Variants in DIS3 observed in about 807,000 individuals in gnomAD.
DIS3 encodes DIS3 exosome endoribonuclease and 3'-5' exoribonuclease.
A neutral mutation model predicts 113.0 loss-of-function variants in DIS3; 103 were observed. The ratio of observed to expected loss-of-function variants is 0.91; its 90% CI spans 0.78 to 1.07. The LOEUF is 1.07. DIS3 is among the 50% of genes least tolerant of loss of function. DIS3 has a pLI of 0.00. For synonymous variants in DIS3, 402 were observed against 394.3 expected, an observed-to-expected ratio of 1.02 and a Z score of -0.23; for missense variants, 1,121 against 1,167.1, an observed-to-expected ratio of 0.96 and a Z score of 0.58.
chr13:72,778,250 A>T lies in DIS3; in HGVS notation c.517T>A (p.Phe173Ile). 6.2e-7 allele frequency: 1 copy of T among 1,609,078 alleles called. No homozygotes were observed. The highest frequency in any genetic ancestry group is 1.1e-5 in the South Asian group (1 of 90,660). Residue 173 changes from phenylalanine (F) to isoleucine (I), a missense_variant, in exon 3 of 21, where the codon TTC becomes ATC. Phe to Ile is a conservative substitution (Grantham distance 21, BLOSUM62 0). This residue lies in a region of DIS3 where 254 missense variants were observed against 232.2 expected (regional missense o/e 1.09). Transcript: ENST00000377767. The stretch of plus-strand genomic sequence containing the variant: ...TTGTTTCTCCTGTCATTTGTTATGA[A>T]GATAACTTGCAGCTGGTTGTCTGCT... ...MSADNQLQVI[F>I]ITNDRRNKEK...
Position 72,773,781 on chromosome 13 carries a change from G to T in DIS3, c.1142C>A (p.Pro381His), listed in dbSNP as rs780478487. 6.2e-7 allele frequency: 1 copy of T among 1,613,724 alleles called. No individual in the cohort carries two copies. Among genetic ancestry groups the T allele is most frequent in the African/African-American group, 1.3e-5 (1 of 74,868 alleles). Residue 381 changes from proline (P) to histidine (H), a missense_variant, in exon 8 of 21, where the codon CCT becomes CAT. By Grantham distance (77) the Pro-to-His change is moderately conservative. Around this residue, in one of 3 missense-constraint regions of DIS3, gnomAD observed 861 missense variants for 915.5 expected, o/e 0.94. Transcript: ENST00000377767. ...HLFTPADKRI[P>H]RIRIETRQAS... ...CTGTCTGGTTTCTATGCGAATTCGA[G>T]GGATTCTCTTATCAGCAGGTGTAAA...
In DIS3 at chr13:72,774,096, T is replaced by C. The variant is rs772797173; in HGVS notation, c.988-37A>G. ...AAATTAAAATGTTCAGTTATATTCCTCTAAGTATTATCAGGCAATTTCCTT... is the reference window on the plus strand; with the variant it reads ...AAATTAAAATGTTCAGTTATATTCCCCTAAGTATTATCAGGCAATTTCCTT... On this transcript the variant is annotated intron_variant, in intron 6 of 20. Coordinates refer to ENST00000377767, the MANE Select transcript of DIS3 (RefSeq NM_014953.5). 1.5e-5 allele frequency: 21 copies of C among 1,419,272 alleles called. No individual in the cohort carries two copies. The African/African-American group carries it at 3.0e-4, about 20-fold the overall frequency. 87.9% of individuals were successfully genotyped at this position (1,419,272 alleles called of 1,614,324 possible). A position where few individuals can be genotyped will look rare whatever the true frequency, so the allele number is the denominator to read the frequency against.
rs2033323760 is a variant in DIS3, at chr13:72,753,123, C to G, written c.*6672G>C. The G allele has an allele frequency of 6.6e-6, 1 of 152,224 alleles. No individual in the cohort carries two copies. The highest frequency in any genetic ancestry group is 1.5e-5 in the Non-Finnish European group (1 of 68,072). 9.4% of individuals were successfully genotyped at this position (152,224 alleles called of 1,614,324 possible). ...ATAGTGCCTGGCCTTTTTAGACACTCAATAAATGTTTCCAAGCTGGAAGTT... is the reference window on the plus strand; with the variant it reads ...ATAGTGCCTGGCCTTTTTAGACACTGAATAAATGTTTCCAAGCTGGAAGTT... On this transcript the variant is annotated 3_prime_UTR_variant, in exon 21 of 21. Coordinates refer to ENST00000377767, the MANE Select transcript of DIS3 (RefSeq NM_014953.5).
intron 11 of DIS3, among the ~76,000 whole-genome samples, chr13:72,771,350 A>C (rs1257814710): frequency 2.0e-5 from 3 of 152,204 alleles, no homozygotes; most frequent in Non-Finnish European, 4.4e-5. Flanking sequence ...AAAGCTATGA[A>C]GGAAAACTGG....
chr13:72,780,859 T>C lies in DIS3; in HGVS notation c.373A>G (p.Asn125Asp), dbSNP rs2034174437. 6.2e-7 allele frequency: 1 copy of C among 1,607,676 alleles called. No homozygotes were observed. The highest frequency in any genetic ancestry group is 8.5e-7 in the Non-Finnish European group (1 of 1,178,158). ...NQEKHFYTFT[N>D]EHHRETYVEQ... The stretch of plus-strand genomic sequence containing the variant: ...TATTCCTCCTACCTATGGTGCTCAT[T>C]AGTGAAAGTATAGAAATGCTTCTCT... Residue 125 changes from asparagine (N) to aspartate (D), a missense_variant, in exon 2 of 21, where the codon AAT (asparagine) becomes GAT (aspartate). Physicochemically the swap from Asn to Asp is conservative, Grantham distance 23. This residue lies in a region of DIS3 where 254 missense variants were observed against 232.2 expected (regional missense o/e 1.09). Coordinates refer to ENST00000377767, the MANE Select transcript of DIS3 (RefSeq NM_014953.5).
In DIS3 at chr13:72,763,651, A is replaced by G. The variant is rs1444240740; in HGVS notation, c.1971-44T>C. 3 of 1,562,320 alleles carry G rather than the reference A, an allele frequency of 1.9e-6. No homozygotes were observed. The Admixed American group carries it at 5.7e-5, about 30-fold the overall frequency. ...TTAAACAAACAAAAAAGAGAATCTGAGACTTCTATATATCATATTTTTTCA... is the reference window on the plus strand; with the variant it reads ...TTAAACAAACAAAAAAGAGAATCTGGGACTTCTATATATCATATTTTTTCA... On this transcript the variant is annotated intron_variant, in intron 15 of 20. Coordinates refer to ENST00000377767, the MANE Select transcript of DIS3 (RefSeq NM_014953.5).
Position 72,763,511 on chromosome 13 carries a change from T to C in DIS3, c.2067A>G (p.Arg689=), listed in dbSNP as rs1229495604. 1 of 1,613,880 alleles carries C rather than the reference T, an allele frequency of 6.2e-7. No individual in the cohort carries two copies. The highest frequency in any genetic ancestry group is 8.5e-7 in the Non-Finnish European group (1 of 1,179,990). The change falls in exon 16 of 21, where the codon CGA becomes CGG. Residue 689 remains arginine, a synonymous_variant. Coordinates refer to ENST00000377767, the MANE Select transcript of DIS3 (RefSeq NM_014953.5). The part of the protein sequence containing the change: ...HEEFSEHALL[R]KHPAPPPSNY... Reference sequence around the variant, plus strand: ...TTGATGGAGGTGGAGCAGGATGTTTTCGAAGCAGAGCATGTTCAGAAAATT... The same window carrying C: ...TTGATGGAGGTGGAGCAGGATGTTTCCGAAGCAGAGCATGTTCAGAAAATT...
chr13:72,775,632 T>A (rs1380071524), intron 5 of DIS3, among the ~76,000 whole-genome samples: 3 of 152,134 alleles, frequency 2.0e-5, no homozygotes, highest in Non-Finnish European at 1.5e-5. Flanking sequence ...AACAAGAGAC[T>A]TTGGAAAAAT....
rs1193325040 is a variant in DIS3, at chr13:72,758,585, C to T, written c.*1210G>A. On this transcript the variant is annotated 3_prime_UTR_variant, in exon 21 of 21. Coordinates refer to ENST00000377767, the MANE Select transcript of DIS3 (RefSeq NM_014953.5). ...GTTTCAGTGTCACTGACCCATTTTA[C>T]CTGGACCAAAGACTACTCAAGTCTA... 1.4e-5 allele frequency: 3 copies of T among 219,782 alleles called. No homozygotes were observed. The highest frequency in any genetic ancestry group is 2.7e-5 in the Non-Finnish European group (3 of 109,622). 13.6% of individuals were successfully genotyped at this position (219,782 alleles called of 1,614,324 possible). A position where few individuals can be genotyped will look rare whatever the true frequency, so the allele number is the denominator to read the frequency against.
chr13:72,780,994 G>A lies in DIS3; in HGVS notation c.238C>T (p.Leu80Phe), dbSNP rs921243234. The A allele has an allele frequency of 1.9e-6, 3 of 1,601,814 alleles. No individual in the cohort carries two copies. The highest frequency in any genetic ancestry group is 1.4e-5 in the African/African-American group (1 of 73,742). Residue 80 changes from leucine (L) to phenylalanine (F), a missense_variant, in exon 2 of 21, where the codon CTT becomes TTT. Around this residue, in one of 3 missense-constraint regions of DIS3, gnomAD observed 254 missense variants for 232.2 expected, o/e 1.09. Transcript: ENST00000377767. ...TNVLLHQIDV[L>F]EDPAIRNVIV... is the part of the protein sequence containing the mutation. ...ACATTCCTGATGGCAGGGTCCTCAA[G>A]AACATCAATCTTAAAGAAAGATAAA...
In DIS3 at chr13:72,775,675, G is replaced by A. The variant is rs1366330260; in HGVS notation, c.822+250C>T. On this transcript the variant is annotated intron_variant, in intron 5 of 20. Transcript: ENST00000377767. ...GCTCTCTAAATCTCAAGTCCTGATT[G>A]GTCAAATAAGAGTACACTACCTAGT... is the stretch of plus-strand genomic sequence containing the variant. Among the ~76,000 whole-genome samples the A allele has an allele frequency of 5.3e-5, 8 of 151,886 alleles. 1 individual carries two copies. The South Asian group carries it at 1.4e-3, about 28-fold the overall frequency.
Position 72,774,062 on chromosome 13 carries a change from G to C in DIS3, c.988-3C>G, listed in dbSNP as rs749138837. 1 of 1,569,254 alleles carries C rather than the reference G, an allele frequency of 6.4e-7. No individual in the cohort carries two copies. Among genetic ancestry groups the C allele is most frequent in the Non-Finnish European group, 8.6e-7 (1 of 1,160,364 alleles). On this transcript the variant is annotated splice_region_variant and splice_polypyrimidine_tract_variant and intron_variant, in intron 6 of 20. Transcript: ENST00000377767. ...TTCTCGCTTACAGCAGTCTTAAGCTGAGATATAAAAATTAAAATGTTCAGT... is the reference window on the plus strand; with the variant it reads ...TTCTCGCTTACAGCAGTCTTAAGCTCAGATATAAAAATTAAAATGTTCAGT...
Position 72,768,791 on chromosome 13 carries a change from TCAA to T in DIS3, c.1874_1876del (p.Ile625_Glu626delinsLys). ...TATGAAAAACAAAATATACCCTTTT[TCAA>T]TCCTTCTTTTCTTCAGAATTTTGGC... On this transcript the variant is annotated inframe_deletion, in exon 14 of 21. Transcript: ENST00000377767. 6.3e-7 allele frequency: 1 copy of T among 1,598,114 alleles called. No homozygotes were observed. The highest frequency in any genetic ancestry group is 8.5e-7 in the Non-Finnish European group (1 of 1,171,896).
At chr13:72,770,857 A>C in intron 13 of DIS3, 47 bp downstream of exon 13, 1 of 1,394,782 alleles carries the variant, frequency 7.2e-7, no homozygotes, top group Non-Finnish European at 9.6e-7. Context: ...TTTTCAAAAA[A>C]GTACCAAAAA....
At chr13:72,772,138 A>G in intron 10 of DIS3, 21 bp downstream of exon 10, 1 of 1,567,182 alleles carries the variant, frequency 6.4e-7, no homozygotes, top group Non-Finnish European at 8.7e-7. Context: ...TTTAGGTAAG[A>G]ACACTATTAC....
chr13:72,764,842 G>A (rs2033708369), intron 15 of DIS3, among the ~76,000 whole-genome samples: 1 of 152,098 alleles, frequency 6.6e-6, no homozygotes, highest in Admixed American at 6.5e-5. Flanking sequence ...AGAAATGGCT[G>A]ATATTTTACT....
chr13:72,772,298 CAAAT>C lies in DIS3; in HGVS notation c.1387-27_1387-24del. 5 of 1,534,422 alleles carry C rather than the reference CAAAT, an allele frequency of 3.3e-6. No homozygotes were observed. The South Asian group carries it at 4.6e-5, about 14-fold the overall frequency. On this transcript the variant is annotated intron_variant, in intron 9 of 20. Transcript: ENST00000377767. ...GTCCTAGAAGACATGAAATGATAAA[CAAAT>C]AAATTATTTCCAAAGCACAACTACA...
rs747832619 is a variant in DIS3 at position 72,753,355 on chromosome 13, T to C, written c.*6440A>G. On this transcript the variant is annotated 3_prime_UTR_variant, in exon 21 of 21. Transcript: ENST00000377767. ...TTTAGAGACAAGCCTGGAAAATGCG[T>C]TGGAAGGTGAAGTTAGTTGTAATAC... 4.0e-5 allele frequency: 7 copies of C among 173,582 alleles called. No individual in the cohort carries two copies. The highest frequency in any genetic ancestry group is 1.2e-4 in the Admixed American group (2 of 16,724). The allele number at this position is 173,582 out of a possible 1,614,324, so 10.8% of individuals were successfully genotyped here. A position where few individuals can be genotyped will look rare whatever the true frequency, so the allele number is the denominator to read the frequency against.
chr13:72,771,206 T>C, intron 11 of DIS3, 61 bp from the exon 12 acceptor site: 1 of 1,323,932 alleles, frequency 7.6e-7, no homozygotes, highest in Non-Finnish European at 1.1e-6. Flanking sequence ...TTATGTGAGG[T>C]TCTATTCTCA....
Sources: allele counts gnomAD v4.1 joint callset (sites outside exome capture counted in the v4.1 genomes callset), GRCh38; gene constraint gnomAD v4.1.1; regional missense constraint gnomAD v4.1.1; transcripts MANE v1.5; gene names NCBI Gene and HGNC (gene_info 2026-07-23, HGNC 2026-07-21).